PARVB: variants seen among roughly 807,000 people sequenced by gnomAD.
The protein encoded by PARVB is beta-parvin.
In PARVB, 46 loss-of-function variants were observed where a neutral mutation model predicts 47.0. The observed-to-expected ratio is 0.98, with a 90% confidence interval of 0.77 to 1.25. PARVB has a LOEUF of 1.25. Among genes scored for constraint, PARVB ranks in the 50% most tolerant of loss-of-function variants. The probability of loss-of-function intolerance (pLI) is 0.00; values close to 1 mark genes in which losing one functional copy is unlikely to be tolerated. For synonymous variants in PARVB, 196 were observed against 196.3 expected (o/e 1.00, Z 0.01); for missense variants, 473 against 471.6 (o/e 1.00, Z -0.03).
chr22:44,062,953 G>A (rs369257932), intron 1 of PARVB, among the ~76,000 whole-genome samples: 1 of 152,150 alleles, frequency 6.6e-6, no homozygotes, highest in Non-Finnish European at 1.5e-5. Flanking sequence ...GGTGGGGTTG[G>A]GGGGTGTGGA....
intron 1 of PARVB, among the ~76,000 whole-genome samples, chr22:44,040,331 T>G (rs1384310445): frequency 6.6e-6 from 1 of 152,144 alleles, no homozygotes; most frequent in Non-Finnish European, 1.5e-5. Flanking sequence ...GTAGACTGAA[T>G]AGTAGTACCA....
At chr22:44,086,395 C>G (rs1254641051) in intron 1 of PARVB, among the ~76,000 whole-genome samples, 1 of 152,198 alleles carries the variant, frequency 6.6e-6, no homozygotes, top group Non-Finnish European at 1.5e-5. Context: ...TGCCTTTTAT[C>G]CTAGGCAAGA....
At chr22:44,072,405 GAC>G (rs71785821) in intron 1 of PARVB, among the ~76,000 whole-genome samples, 21,965 of 152,088 alleles carry the variant, frequency 0.14, 2,017 homozygotes, top group Non-Finnish European at 0.21. Context: ...AGGAAGAGCC[GAC>G]AGTTTGCCCT....
intron 1 of PARVB, among the ~76,000 whole-genome samples, chr22:44,028,376 C>T (rs1234090952): frequency 6.6e-6 from 1 of 152,004 alleles, no homozygotes; most frequent in Non-Finnish European, 1.5e-5. Flanking sequence ...CTTTTCCAGA[C>T]TATCATCTAG....
Position 44,024,372 on chromosome 22 carries a change from G to T in PARVB, c.33G>T (p.Arg11=). The change falls in exon 1 of 13, where the codon CGG becomes CGT. Residue 11 remains arginine, a synonymous_variant. Coordinates refer to ENST00000338758, the MANE Select transcript of PARVB (RefSeq NM_013327.5). MSSAPRSPTP[R]PRRMKKDESF... is the part of the protein sequence containing the mutation. The stretch of plus-strand genomic sequence containing the variant: ...CCGCGCCGCGCTCGCCCACCCCGCG[G>T]CCCCGCAGGATGAAGAAGGACGAGT... 8.3e-7 allele frequency: 1 copy of T among 1,209,674 alleles called. No homozygotes were observed. Among genetic ancestry groups the T allele is most frequent in the South Asian group, 2.3e-5 (1 of 43,214 alleles). The allele number at this position is 1,209,674 out of a possible 1,614,324, so 74.9% of individuals were successfully genotyped here.
At chr22:44,059,226 A>T (rs868070774) in intron 1 of PARVB, among the ~76,000 whole-genome samples, 6 of 151,930 alleles carry the variant, frequency 3.9e-5, no homozygotes, top group African/African-American at 9.7e-5. Flanking sequence ...TTGTATGTTT[A>T]GTAGAGACGG....
intron 1 of PARVB, among the ~76,000 whole-genome samples, chr22:44,091,968 C>T (rs567354792): frequency 6.6e-6 from 1 of 152,082 alleles, no homozygotes; most frequent in Non-Finnish European, 1.5e-5. Context: ...AAGTCGGGTC[C>T]ACGGTCACGT....
At chr22:44,035,996 G>A (rs2050916476) in intron 1 of PARVB, among the ~76,000 whole-genome samples, 2 of 152,068 alleles carry the variant, frequency 1.3e-5, no homozygotes. Context: ...AGTGGCTCAC[G>A]CCTGTAATCC....
chr22:44,067,830 A>G (rs2051568836), intron 1 of PARVB, among the ~76,000 whole-genome samples: 1 of 152,220 alleles, frequency 6.6e-6, no homozygotes, highest in Non-Finnish European at 1.5e-5. Flanking sequence ...GGGGACTCGC[A>G]TCGGCATTGG....
In PARVB at chr22:43,999,403, C is replaced by G. The variant is rs140454524; in HGVS notation, c.63C>G (p.Asn21Lys). The change falls in exon 1 of 14, where the codon AAC (asparagine) becomes AAG (lysine). Residue 21 changes from asparagine to lysine, a missense_variant. By Grantham distance (94) the Asn-to-Lys change is moderately conservative. Transcript: ENST00000406477. Reference sequence around the variant, plus strand: ...AAAGGGGATTCCTTAGTCCAGAGAACAAAAACTGGTGAGCTGTGATTTAAA... The same window carrying G: ...AAAGGGGATTCCTTAGTCCAGAGAAGAAAAACTGGTGAGCTGTGATTTAAA... 5.2e-4 allele frequency: 836 copies of G among 1,609,500 alleles called. 18 individuals are homozygous for G. The South Asian group carries it at 7.9e-3, about 15-fold the overall frequency.
intron 3 of PARVB, chr22:44,109,308 A>G (rs963897318): frequency 1.3e-5 from 2 of 152,262 alleles, no homozygotes; most frequent in African/African-American, 4.8e-5. Flanking sequence ...GATCCTGATT[A>G]TAATTCAGAA....
intron 11 of PARVB, 77 bp downstream of exon 11, chr22:44,158,160 G>C: frequency 1.1e-6 from 1 of 951,074 alleles, no homozygotes; most frequent in Non-Finnish European, 1.7e-6. Flanking sequence ...TATCCCGGCA[G>C]CTCTTCCTGC....
intron 1 of PARVB, among the ~76,000 whole-genome samples, chr22:44,051,821 TAGGGTGGGCCC>T (rs1381168330): frequency 2.0e-5 from 3 of 151,990 alleles, no homozygotes; most frequent in Middle Eastern, 3.2e-3. Flanking sequence ...CTGTCTGAAG[TAGGGTGGGCCC>T]CTAATTCAAT....
At chr22:44,165,964 G>A (rs2054158578) in intron 12 of PARVB, among the ~76,000 whole-genome samples, 1 of 152,220 alleles carries the variant, frequency 6.6e-6, no homozygotes, top group South Asian at 2.1e-4. Context: ...CTGTGGGCTT[G>A]GCTGGGGCTT....
At chr22:44,159,725 T>A (rs141722357) in intron 11 of PARVB, among the ~76,000 whole-genome samples, 1 of 152,174 alleles carries the variant, frequency 6.6e-6, no homozygotes, top group Non-Finnish European at 1.5e-5. Context: ...TACCTTGTAG[T>A]CTTCGTGAAT....
At position 44,024,405 on chromosome 22, in the gene PARVB, G is replaced by T; in HGVS notation, c.66G>T (p.Leu22=). 1 of 1,259,300 alleles carries T rather than the reference G, an allele frequency of 7.9e-7. No individual in the cohort carries two copies. 78.0% of individuals were successfully genotyped at this position (1,259,300 alleles called of 1,614,324 possible). Residue 22 remains leucine, a synonymous_variant, in exon 1 of 13, where the codon CTG becomes CTT. Coordinates refer to ENST00000338758, the MANE Select transcript of PARVB (RefSeq NM_013327.5). ...GGATGAAGAAGGACGAGTCGTTCCT[G>T]GGCAAGCTGGGCGGCACCCTGGCCA... The part of the protein sequence containing the change: ...PRRMKKDESF[L]GKLGGTLARK...
chr22:44,085,356 C>T (rs1411539738), intron 1 of PARVB, among the ~76,000 whole-genome samples: 2 of 152,178 alleles, frequency 1.3e-5, no homozygotes, highest in East Asian at 3.8e-4. Context: ...GTCACCCAGG[C>T]TGGAGTGCAG....
chr22:44,019,687 G>T (rs2050624756), upstream of PARVB, among the ~76,000 whole-genome samples: 2 of 152,240 alleles, frequency 1.3e-5, no homozygotes, highest in Non-Finnish European at 2.9e-5. Context: ...GAGGAAGCAA[G>T]AAAGTGCGGG....
chr22:44,122,072 A>T (rs2053059956), intron 4 of PARVB, among the ~76,000 whole-genome samples: 1 of 152,184 alleles, frequency 6.6e-6, no homozygotes, highest in South Asian at 2.1e-4. Flanking sequence ...GTATAAATAA[A>T]TTAATTTGTT....
Sources: gnomAD v4.1 joint callset for allele counts (sites outside exome capture counted in the v4.1 genomes callset) on GRCh38, gnomAD v4.1.1 for gene constraint, MANE v1.5 for transcripts, NCBI Gene and HGNC (gene_info 2026-07-23, HGNC 2026-07-21) for gene names.